Variants in RIMS3 observed in about 807,000 individuals in gnomAD.
RIMS3 encodes regulating synaptic membrane exocytosis protein 3.
RIMS3 carries 15 observed loss-of-function variants against 29.2 expected under a neutral mutation model. The ratio of observed to expected loss-of-function variants is 0.51; its 90% CI spans 0.34 to 0.79. The LOEUF (loss-of-function observed/expected upper bound fraction) is 0.79, where lower values mean the gene tolerates loss of function less well. RIMS3 is among the 30% of genes least tolerant of loss of function. The pLI is 0.01. For missense variants in RIMS3, 342 were observed against 421.4 expected (o/e 0.81, Z 1.65); for synonymous variants, 161 against 170.1 (o/e 0.95, Z 0.41).
the RIMS3 span, among the ~76,000 whole-genome samples, chr1:40,671,244 T>TG: frequency 3.9e-5 from 6 of 151,942 alleles, no homozygotes; most frequent in East Asian, 5.8e-4. Context: ...GCCTAGGCCT[T>TG]GGGGGGGATG....
chr1:40,631,663 G>C (rs1460858591), intron 5 of RIMS3, among the ~76,000 whole-genome samples: 1 of 151,344 alleles, frequency 6.6e-6, no homozygotes, highest in Non-Finnish European at 1.5e-5. Context: ...TGGTGACAGA[G>C]CGAGGCTCTG....
At chr1:40,691,680 G>A in the RIMS3 span, 9 of 450,090 alleles carry the variant, frequency 2.0e-5, no homozygotes, top group Admixed American at 1.9e-4. Flanking sequence ...GCCAAGGGAG[G>A]GGGAAGGGAA....
the RIMS3 span, among the ~76,000 whole-genome samples, chr1:40,675,758 CA>C: frequency 8.4e-3 from 897 of 107,288 alleles, 4 homozygotes; most frequent in Admixed American, 0.011. Context: ...AACTCCATCT[CA>C]AAAAAAAAAA....
the RIMS3 span, among the ~76,000 whole-genome samples, chr1:40,678,180 G>T: frequency 6.6e-6 from 1 of 152,216 alleles, no homozygotes; most frequent in Admixed American, 6.5e-5. Context: ...GGCCAAGGCG[G>T]GTGGATCACT....
intron 1 of RIMS3, among the ~76,000 whole-genome samples, chr1:40,664,574 T>C (rs1448394433): frequency 3.3e-5 from 5 of 152,162 alleles, no homozygotes; most frequent in Non-Finnish European, 7.4e-5. Flanking sequence ...AAGGACCACA[T>C]TGAAACAGGC....
chr1:40,631,839 G>A (rs1344255617), intron 5 of RIMS3, among the ~76,000 whole-genome samples: 1 of 152,036 alleles, frequency 6.6e-6, no homozygotes, highest in Non-Finnish European at 1.5e-5. Context: ...AGACATGGTG[G>A]CACATGCCTG....
chr1:40,676,470 T>C, the RIMS3 span, among the ~76,000 whole-genome samples: 1 of 152,154 alleles, frequency 6.6e-6, no homozygotes, highest in Admixed American at 6.6e-5. Context: ...CTGATACAAT[T>C]CGACTCCTCC....
chr1:40,677,001 A>T, the RIMS3 span, among the ~76,000 whole-genome samples: 1 of 143,728 alleles, frequency 7.0e-6, no homozygotes, highest in African/African-American at 2.6e-5. Flanking sequence ...AACAGGTGGA[A>T]TTTTTTTTTT....
At chr1:40,642,493 T>C (rs1173703381) in intron 2 of RIMS3, among the ~76,000 whole-genome samples, 3 of 151,838 alleles carry the variant, frequency 2.0e-5, no homozygotes, top group Non-Finnish European at 2.9e-5. Flanking sequence ...GGTCCTTCTA[T>C]GTGAAGGGGA....
intron 2 of RIMS3, among the ~76,000 whole-genome samples, chr1:40,646,338 G>A (rs1234550062): frequency 6.6e-6 from 1 of 152,156 alleles, no homozygotes; most frequent in Non-Finnish European, 1.5e-5. Context: ...CACAGGGATG[G>A]AAAAGGGAAG....
chr1:40,642,065 G>A (rs1646562390), intron 2 of RIMS3, 109 bp from the exon 3 acceptor site: 3 of 671,182 alleles, frequency 4.5e-6, no homozygotes, highest in East Asian at 2.7e-5. Flanking sequence ...TGACCTCTCT[G>A]AGGCTATAAG....
chr1:40,657,401 G>A (rs1642287389), intron 1 of RIMS3, among the ~76,000 whole-genome samples: 1 of 152,142 alleles, frequency 6.6e-6, no homozygotes, highest in Non-Finnish European at 1.5e-5. Flanking sequence ...GAGGTGAAGA[G>A]CTTTAAAATC....
At chr1:40,691,572 A>C in the RIMS3 span, 1 of 327,266 alleles carries the variant, frequency 3.1e-6, no homozygotes, top group Non-Finnish European at 6.2e-6. Flanking sequence ...AAACTCTCAG[A>C]TCTCATTCCG....
At chr1:40,663,885 C>T (rs1443328537) in intron 1 of RIMS3, among the ~76,000 whole-genome samples, 4 of 152,134 alleles carry the variant, frequency 2.6e-5, no homozygotes, top group Non-Finnish European at 4.4e-5. Context: ...CTCCTGAGTG[C>T]CAGGCACTGT....
chr1:40,641,405 T>G (rs1646555331), intron 3 of RIMS3, among the ~76,000 whole-genome samples: 1 of 152,194 alleles, frequency 6.6e-6, no homozygotes, highest in African/African-American at 2.4e-5. Context: ...GTGTAAAGGT[T>G]AAGAGCATCA....
At position 40,622,014 on chromosome 1, in the gene RIMS3, C is replaced by T. The variant is rs1156504062; in HGVS notation, c.*4503G>A. The T allele has an allele frequency of 6.5e-6, 1 of 152,676 alleles. No homozygotes were observed. Among genetic ancestry groups the T allele is most frequent in the Non-Finnish European group, 1.5e-5 (1 of 68,080 alleles). 9.5% of individuals were successfully genotyped at this position (152,676 alleles called of 1,614,324 possible). ...ACTTTCTCTCACTGATGTGGCTTCC[C>T]TCACAGGCACAGCCATGCTGGGCCC... On this transcript the variant is annotated 3_prime_UTR_variant, in exon 8 of 8. Coordinates refer to ENST00000372684, the MANE Select transcript of RIMS3 (RefSeq NM_014747.3).
At position 40,640,479 on chromosome 1, in the gene RIMS3, C is replaced by T. The variant is rs186502462; in HGVS notation, c.217+1230G>A. 1.3e-3 allele frequency among the ~76,000 whole-genome samples: 202 copies of T among 152,314 alleles called. 2 individuals carry two copies. Among genetic ancestry groups the T allele is most frequent in the Admixed American group, 2.0e-3 (31 of 15,304 alleles). ...GCCTGGAAAAGTCCCCCACCCCCAG[C>T]CCCAACTGGGAGCCTTGATGAGCAT... On this transcript the variant is annotated intron_variant, in intron 3 of 7. Coordinates refer to ENST00000372684, the MANE Select transcript of RIMS3 (RefSeq NM_014747.3).
chr1:40,645,945 G>A (rs1008866717), intron 2 of RIMS3, among the ~76,000 whole-genome samples: 33 of 152,288 alleles, frequency 2.2e-4, no homozygotes, highest in Non-Finnish European at 1.0e-4. Flanking sequence ...CTCCCCAAGG[G>A]GCAGGAGGAG....
chr1:40,621,740 C>A lies in RIMS3; in HGVS notation c.*4777G>T, dbSNP rs1205469659. 6.6e-6 allele frequency: 1 copy of A among 152,232 alleles called. No individual in the cohort carries two copies. The highest frequency in any genetic ancestry group is 1.5e-5 in the Non-Finnish European group (1 of 68,074). 9.4% of individuals were successfully genotyped at this position (152,232 alleles called of 1,614,324 possible). On this transcript the variant is annotated 3_prime_UTR_variant, in exon 8 of 8. Coordinates refer to ENST00000372684, the MANE Select transcript of RIMS3 (RefSeq NM_014747.3). ...TGTAGCCAGCTGTCCCTGTCCAGAT[C>A]ACTGGCTAATGGGGTGGATGCTCAG...
Sources: gnomAD v4.1 joint callset for allele counts (sites outside exome capture counted in the v4.1 genomes callset) on GRCh38, gnomAD v4.1.1 for gene constraint, MANE v1.5 for transcripts, NCBI Gene and HGNC (gene_info 2026-07-23, HGNC 2026-07-21) for gene names.